SLC4A7: variants seen among roughly 807,000 people sequenced by gnomAD.
SLC4A7 encodes the protein sodium bicarbonate cotransporter 3.
SLC4A7 carries 51 observed loss-of-function variants against 137.6 expected under a neutral mutation model. That is an observed-to-expected ratio of 0.37 (90% CI 0.30 to 0.47). SLC4A7 has a LOEUF of 0.47. Ranked by LOEUF, SLC4A7 falls within the 20% of genes least tolerant of loss-of-function variation. The pLI is 1.00. For missense variants in SLC4A7, 1,247 were observed against 1,525.4 expected, an observed-to-expected ratio of 0.82 and a Z score of 3.04; for synonymous variants, 542 against 518.6, an observed-to-expected ratio of 1.05 and a Z score of -0.61.
intron 16 of SLC4A7, among the ~76,000 whole-genome samples, chr3:27,400,184 C>G (rs1462353077): frequency 2.0e-5 from 3 of 152,170 alleles, no homozygotes; most frequent in African/African-American, 4.8e-5. Context: ...CAATACTCCC[C>G]CAACAGAACA....
In SLC4A7 at chr3:27,403,271, C is replaced by A; in HGVS notation, c.2189G>T (p.Arg730Leu). The A allele has an allele frequency of 6.2e-7, 1 of 1,613,912 alleles. No homozygotes were observed. Among genetic ancestry groups the A allele is most frequent in the South Asian group, 1.1e-5 (1 of 91,070 alleles). ...GGCTGCAAAAGCCTCTTCTGTAAAT[C>A]GAGTAATATAACACACAAGGCTGCT... ...DASSLVCYIT[R>L]FTEEAFAALI... The change falls in exon 15 of 26, where the codon CGA becomes CTA. Residue 730 changes from arginine to leucine, a missense_variant. This residue lies in a region of SLC4A7 where 499 missense variants were observed against 664.2 expected (regional missense o/e 0.75). Coordinates refer to ENST00000454389, the MANE Select transcript of SLC4A7 (RefSeq NM_001321103.2).
chr3:27,378,692 C>T (rs1429943064), intron 25 of SLC4A7, among the ~76,000 whole-genome samples: 1 of 152,118 alleles, frequency 6.6e-6, no homozygotes, highest in Non-Finnish European at 1.5e-5. Flanking sequence ...TTTACCTCAC[C>T]TGAACAAATG....
chr3:27,442,506 T>C (rs1420750459), intron 3 of SLC4A7, among the ~76,000 whole-genome samples: 1 of 151,300 alleles, frequency 6.6e-6, no homozygotes, highest in African/African-American at 2.4e-5. Context: ...CAATCTCGGC[T>C]CACTAGCTTC....
rs1262915297 is a variant in SLC4A7, at chr3:27,457,169, G to A, written c.61-4671C>T. ...ACATTCTTAAAAATTCCTGAAGACC[G>A]AAAAGGACCTTGGTTTATATAAGTT... is the stretch of plus-strand genomic sequence containing the variant. On this transcript the variant is annotated intron_variant, in intron 1 of 25. Coordinates refer to ENST00000454389, the MANE Select transcript of SLC4A7 (RefSeq NM_001321103.2). Among the ~76,000 whole-genome samples, 9 of 151,882 alleles carry A rather than the reference G, an allele frequency of 5.9e-5. No homozygotes were observed. The East Asian group carries it at 7.7e-4, about 13-fold the overall frequency.
chr3:27,421,993 T>A (rs2055028309), intron 8 of SLC4A7, among the ~76,000 whole-genome samples: 1 of 152,214 alleles, frequency 6.6e-6, no homozygotes. Flanking sequence ...GCTACTGTTT[T>A]AACTGTCACA....
intron 3 of SLC4A7, among the ~76,000 whole-genome samples, chr3:27,440,304 C>T (rs1013833472): frequency 1.4e-4 from 22 of 152,128 alleles, no homozygotes; most frequent in Non-Finnish European, 2.5e-4. Context: ...CCCTTCCTGA[C>T]GTCACTGTAG....
chr3:27,463,425 GCC>G, intron 1 of SLC4A7, among the ~76,000 whole-genome samples: 1 of 150,778 alleles, frequency 6.6e-6, no homozygotes, highest in Non-Finnish European at 1.5e-5. Context: ...GCGAGACTCC[GCC>G]TCTTAAAAAA....
intron 1 of SLC4A7, among the ~76,000 whole-genome samples, chr3:27,482,456 G>A (rs1416308806): frequency 6.6e-6 from 1 of 152,116 alleles, no homozygotes; most frequent in Non-Finnish European, 1.5e-5. Context: ...CTATAAAACA[G>A]TTTATTCAAA....
intron 3 of SLC4A7, among the ~76,000 whole-genome samples, chr3:27,440,509 C>T (rs927301947): frequency 6.6e-6 from 1 of 152,074 alleles, no homozygotes; most frequent in Non-Finnish European, 1.5e-5. Flanking sequence ...AGGTGGATCA[C>T]CTCAGGTCAG....
chr3:27,468,040 C>T (rs1405853278), intron 1 of SLC4A7, among the ~76,000 whole-genome samples: 1 of 152,174 alleles, frequency 6.6e-6, no homozygotes, highest in East Asian at 1.9e-4. Context: ...TCTCCTGCCT[C>T]AGCCTCCCAA....
intron 1 of SLC4A7, among the ~76,000 whole-genome samples, chr3:27,454,127 T>C (rs182735736): frequency 2.0e-5 from 3 of 152,176 alleles, no homozygotes; most frequent in Admixed American, 6.5e-5. Context: ...CTAGACAACA[T>C]AGCAAGACCC....
chr3:27,441,591 A>G (rs2057197443), intron 3 of SLC4A7, among the ~76,000 whole-genome samples: 1 of 151,940 alleles, frequency 6.6e-6, no homozygotes, highest in Admixed American at 6.6e-5. Context: ...CTCCTAGGCT[A>G]AAGGGATCAA....
At chr3:27,447,257 A>G (rs2057727638) in intron 3 of SLC4A7, among the ~76,000 whole-genome samples, 2 of 152,010 alleles carry the variant, frequency 1.3e-5, no homozygotes, top group Non-Finnish European at 1.5e-5. Flanking sequence ...AATGAATTTA[A>G]TATTTGTATT....
rs1401229051 is a variant in SLC4A7, at chr3:27,418,870, A to G, written c.1513-238T>C. On this transcript the variant is annotated intron_variant, in intron 10 of 25. Coordinates refer to ENST00000454389, the MANE Select transcript of SLC4A7 (RefSeq NM_001321103.2). ...GAACAGTTACATGTTAAGACAGAACAATTTTTTAAAAATAAAATTTTGCCT... is the reference window on the plus strand; with the variant it reads ...GAACAGTTACATGTTAAGACAGAACGATTTTTTAAAAATAAAATTTTGCCT... 2.6e-5 allele frequency among the ~76,000 whole-genome samples: 4 copies of G among 152,222 alleles called. No homozygotes were observed. In the East Asian group the frequency reaches 7.7e-4, roughly 29 times the overall value.
chr3:27,375,654 T>C lies in SLC4A7; in HGVS notation c.*1110A>G, dbSNP rs561912395. 6.6e-6 allele frequency: 1 copy of C among 152,550 alleles called. No individual in the cohort carries two copies. The highest frequency in any genetic ancestry group is 2.1e-4 in the South Asian group (1 of 4,832). 9.4% of individuals were successfully genotyped at this position (152,550 alleles called of 1,614,324 possible). A position where few individuals can be genotyped will look rare whatever the true frequency, so the allele number is the denominator to read the frequency against. Reference sequence around the variant, plus strand: ...AAGCACCAACTATTTACATTAACAATTTACTCTATTTGTTACTTTTCCAAA... The same window carrying C: ...AAGCACCAACTATTTACATTAACAACTTACTCTATTTGTTACTTTTCCAAA... On this transcript the variant is annotated 3_prime_UTR_variant, in exon 26 of 26. Transcript: ENST00000454389.
In SLC4A7 at chr3:27,411,679, C is replaced by CAG; in HGVS notation, c.1728_1729insCT (p.Ala577LeufsTer19). On this transcript the variant is annotated frameshift_variant, in exon 12 of 26. Transcript: ENST00000454389. LOFTEE classifies it high-confidence loss of function. ...TGTAGCTCAGGCCCAGCATGATGAG[C>CAG]GGCCTCTTTAGGAGTCTCACCCAGT... 2 of 1,564,036 alleles carry CAG rather than the reference C, an allele frequency of 1.3e-6. No homozygotes were observed. Among genetic ancestry groups the CAG allele is most frequent in the Non-Finnish European group, 1.7e-6 (2 of 1,151,724 alleles).
At position 27,408,336 on chromosome 3, in the gene SLC4A7, T is replaced by C. The variant is rs554700522; in HGVS notation, c.1941+1020A>G. Among the ~76,000 whole-genome samples the C allele has an allele frequency of 2.6e-5, 4 of 152,308 alleles. No homozygotes were observed. The East Asian group carries it at 7.7e-4, about 29-fold the overall frequency. On this transcript the variant is annotated intron_variant, in intron 13 of 25. Coordinates refer to ENST00000454389, the MANE Select transcript of SLC4A7 (RefSeq NM_001321103.2). ...TGGTAACAGATAAAACACATTTCCA[T>C]GGGGACTAGCAGAGTGACATGCACA...
chr3:27,460,690 C>T (rs1377673583), intron 1 of SLC4A7, among the ~76,000 whole-genome samples: 1 of 152,144 alleles, frequency 6.6e-6, no homozygotes, highest in East Asian at 1.9e-4. Context: ...GAGAAATATG[C>T]TTCACGATGA....
In SLC4A7 at chr3:27,444,542, T is replaced by C. The variant is rs34114596; in HGVS notation, c.289+4109A>G. ...TCATTTTGGATAGTTACTATCACTG[T>C]CTTGAAAACCGCTGATTACTTTTCT... is the stretch of plus-strand genomic sequence containing the variant. On this transcript the variant is annotated intron_variant, in intron 3 of 25. Transcript: ENST00000454389. Among the ~76,000 whole-genome samples, 360 of 152,338 alleles carry C rather than the reference T, an allele frequency of 2.4e-3. 2 individuals are homozygous for C. Among genetic ancestry groups the C allele is most frequent in the African/African-American group, 8.4e-3 (350 of 41,592 alleles).
Sources: allele counts gnomAD v4.1 joint callset (sites outside exome capture counted in the v4.1 genomes callset), GRCh38; gene constraint gnomAD v4.1.1; regional missense constraint gnomAD v4.1.1; transcripts MANE v1.5; gene names NCBI Gene and HGNC (gene_info 2026-07-23, HGNC 2026-07-21).